The following CLGN variants were observed in gnomAD, a reference collection of about 807,000 sequenced individuals.
CLGN encodes calmegin.
CLGN carries 62 observed loss-of-function variants against 79.1 expected under a neutral mutation model. The observed-to-expected ratio is 0.78, with a 90% CI of 0.64 to 0.97. The LOEUF is 0.97. Ranked by LOEUF, CLGN falls within the 50% of genes least tolerant of loss-of-function variation. The probability of loss-of-function intolerance (pLI) is 0.00; values close to 1 mark genes in which losing one functional copy is unlikely to be tolerated. For missense variants in CLGN, 647 were observed against 715.5 expected (o/e 0.90, Z 1.09); for synonymous variants, 225 against 224.7 (o/e 1.00, Z -0.01).
intron 4 of CLGN, 43 bp from the exon 5 acceptor site, chr4:140,406,126 T>G: frequency 6.3e-7 from 1 of 1,578,774 alleles, no homozygotes; most frequent in South Asian, 1.1e-5. Context: ...ACAGAAAACA[T>G]TGACCTAAGA....
intron 1 of CLGN, among the ~76,000 whole-genome samples, chr4:140,415,287 A>G (rs899256139): frequency 3.9e-5 from 6 of 152,132 alleles, no homozygotes; most frequent in Non-Finnish European, 8.8e-5. Context: ...AAGAAACTGC[A>G]TCAACTAACG....
chr4:140,414,099 T>A (rs867253056), intron 1 of CLGN, among the ~76,000 whole-genome samples: 21 of 152,304 alleles, frequency 1.4e-4, no homozygotes, highest in African/African-American at 4.8e-4. Context: ...CACTGACACC[T>A]CACACGGCAG....
At chr4:140,390,457 C>T (rs937634677) in intron 14 of CLGN, among the ~76,000 whole-genome samples, 171 bp downstream of exon 14, 1 of 151,644 alleles carries the variant, frequency 6.6e-6, no homozygotes, top group Non-Finnish European at 1.5e-5. Flanking sequence ...ATATAAATTA[C>T]AGTATTTTTC....
chr4:140,402,255 C>T (rs920985533), intron 5 of CLGN, among the ~76,000 whole-genome samples, 189 bp from the exon 6 acceptor site: 2 of 151,912 alleles, frequency 1.3e-5, no homozygotes, highest in Non-Finnish European at 2.9e-5. Flanking sequence ...TAAAACAAGA[C>T]ACATCATTAA....
chr4:140,392,142 C>T, intron 13 of CLGN, 77 bp downstream of exon 13: 1 of 1,445,538 alleles, frequency 6.9e-7, no homozygotes, highest in Non-Finnish European at 9.4e-7. Context: ...AGTATAATAA[C>T]TAGTTATTTC....
At chr4:140,409,797 G>T in intron 4 of CLGN, 40 bp downstream of exon 4, 1 of 1,339,256 alleles carries the variant, frequency 7.5e-7, no homozygotes, top group Non-Finnish European at 1.0e-6. Context: ...TGAACTCCAG[G>T]CCATACTGGT....
chr4:140,414,824 C>T (rs1037772893), intron 1 of CLGN, among the ~76,000 whole-genome samples: 3 of 150,460 alleles, frequency 2.0e-5, no homozygotes, highest in Admixed American at 1.3e-4. Flanking sequence ...GGCAGGCCAA[C>T]GTTCAGATTC....
chr4:140,400,673 C>T, intron 6 of CLGN, 124 bp from the exon 7 acceptor site: 1 of 593,622 alleles, frequency 1.7e-6, no homozygotes, highest in Non-Finnish European at 2.8e-6. Context: ...AGAGAGCTAG[C>T]TATTTAATAC....
rs60198755 is a variant in CLGN at position 140,425,622 on chromosome 4, C to CTTT, written c.-10+1912_-10+1914dup. On this transcript the variant is annotated intron_variant, in intron 1 of 14. Transcript: ENST00000325617. Reference sequence around the variant, plus strand: ...TTTCTGTGACACATTTTTGTAATTCCTTTTTTTTTTTTTTTTTTTTTTTTG... The same window carrying CTTT: ...TTTCTGTGACACATTTTTGTAATTCCTTTTTTTTTTTTTTTTTTTTTTTTTTTG... Among the ~76,000 whole-genome samples, 487 of 97,156 alleles carry CTTT rather than the reference C, an allele frequency of 5.0e-3. 1 individual carries two copies. The highest frequency in any genetic ancestry group is 7.2e-3 in the Admixed American group (50 of 6,982). 63.7% of individuals were successfully genotyped at this position (97,156 alleles called of 152,430 possible).
intron 4 of CLGN, among the ~76,000 whole-genome samples, chr4:140,407,586 C>CA (rs33994946): frequency 0.066 from 8,369 of 127,704 alleles, 400 homozygotes; most frequent in African/African-American, 0.14. Flanking sequence ...ACAATGGCTG[C>CA]AAAAAAAAAA....
intron 6 of CLGN, among the ~76,000 whole-genome samples, chr4:140,401,230 T>C (rs573330214): frequency 2.0e-5 from 3 of 152,160 alleles, no homozygotes; most frequent in African/African-American, 7.2e-5. Flanking sequence ...GATAAAGTGC[T>C]TATAGAAATA....
At chr4:140,391,252 GT>G (rs757918971) in intron 13 of CLGN, among the ~76,000 whole-genome samples, 11 of 151,776 alleles carry the variant, frequency 7.2e-5, no homozygotes, top group Admixed American at 2.0e-4. Flanking sequence ...GGAAAGGGAA[GT>G]TGAAAAATCA....
At chr4:140,395,656 G>T (rs1728859139) in intron 10 of CLGN, among the ~76,000 whole-genome samples, 163 bp downstream of exon 10, 1 of 152,086 alleles carries the variant, frequency 6.6e-6, no homozygotes, top group Non-Finnish European at 1.5e-5. Context: ...TTAAATAATT[G>T]ATGCTCTACT....
At chr4:140,400,570 T>C (rs1728981091) in intron 6 of CLGN, 21 bp from the exon 7 acceptor site, 2 of 1,494,366 alleles carry the variant, frequency 1.3e-6, no homozygotes, top group South Asian at 2.4e-5. Context: ...AGATGAGTGT[T>C]GGCATTAGTC....
chr4:140,402,805 C>T (rs540014583), intron 5 of CLGN, among the ~76,000 whole-genome samples: 11 of 151,338 alleles, frequency 7.3e-5, no homozygotes, highest in Admixed American at 1.3e-4. Flanking sequence ...GTTAAATTAA[C>T]GAATTATATG....
At position 140,412,998 on chromosome 4, in the gene CLGN, C is replaced by G. The variant is rs923059232; in HGVS notation, c.81G>C (p.Glu27Asp). The G allele has an allele frequency of 8.1e-6, 13 of 1,613,388 alleles. No homozygotes were observed. The Admixed American group carries it at 1.2e-4, about 14-fold the overall frequency. Reference sequence around the variant, plus strand: ...CTGAATTTTCTTCAAAGTCTTCCGTCTCAACATCATCATCCATAAATTCTG... The same window carrying G: ...CTGAATTTTCTTCAAAGTCTTCCGTGTCAACATCATCATCCATAAATTCTG... Reference protein sequence around the residue: ...INAEFMDDDVETEDFEENSEE... With the variant: ...INAEFMDDDVDTEDFEENSEE... Residue 27 changes from glutamate (E) to aspartate (D), a missense_variant, in exon 2 of 15, where the codon GAG becomes GAC. Coordinates refer to ENST00000325617, the MANE Select transcript of CLGN (RefSeq NM_004362.3).
At chr4:140,403,630 A>G (rs1472164814) in intron 5 of CLGN, among the ~76,000 whole-genome samples, 1 of 152,210 alleles carries the variant, frequency 6.6e-6, no homozygotes, top group South Asian at 2.1e-4. Context: ...AGCATTCTGT[A>G]AAAAGGTAAG....
In CLGN at chr4:140,395,862, T is replaced by C; in HGVS notation, c.1106A>G (p.Lys369Arg). 1 of 1,585,042 alleles carries C rather than the reference T, an allele frequency of 6.3e-7. No homozygotes were observed. Among genetic ancestry groups the C allele is most frequent in the Non-Finnish European group, 8.5e-7 (1 of 1,170,386 alleles). The change falls in exon 10 of 15, where the codon AAA (lysine) becomes AGA (arginine). Residue 369 changes from lysine (K) to arginine (R), a missense_variant. Transcript: ENST00000325617. ...GACCAGTGGAGGTCTCCATACTCCT[T>C]TGTATTTTGGGTTATCTATCATGGG... ...KPPMIDNPKY[K>R]GVWRPPLVDN...
chr4:140,402,901 A>G (rs1354610730), intron 5 of CLGN, among the ~76,000 whole-genome samples: 1 of 152,226 alleles, frequency 6.6e-6, no homozygotes, highest in Non-Finnish European at 1.5e-5. Flanking sequence ...TCAAAAAGAC[A>G]TGAAAACTAG....
Sources: gnomAD v4.1 joint callset for allele counts (sites outside exome capture counted in the v4.1 genomes callset) on GRCh38, gnomAD v4.1.1 for gene constraint, MANE v1.5 for transcripts, NCBI Gene and HGNC (gene_info 2026-07-23, HGNC 2026-07-21) for gene names.